The following CCDC18 variants were observed in gnomAD, a reference collection of about 807,000 sequenced individuals.
The protein encoded by CCDC18 is coiled-coil domain containing 18.
Under a neutral mutation model 196.0 loss-of-function variants are expected in CCDC18, and 157 were observed. The observed-to-expected ratio is 0.80, with a 90% CI of 0.70 to 0.91. The LOEUF (loss-of-function observed/expected upper bound fraction) is 0.91. Among genes scored for constraint, CCDC18 ranks in the 40% least tolerant of loss-of-function variants. The pLI is 0.00. For missense variants in CCDC18, 1,465 were observed against 1,611.6 expected, an observed-to-expected ratio of 0.91 and a Z score of 1.56; for synonymous variants, 482 against 529.2, an observed-to-expected ratio of 0.91 and a Z score of 1.22.
chr1:93,201,855 T>C, intron 6 of CCDC18, 37 bp from the exon 7 acceptor site: 1 of 1,305,664 alleles, frequency 7.7e-7, no homozygotes. Flanking sequence ...TGCAGAGCAT[T>C]CTTCACTTTT....
chr1:93,257,252 A>AC (rs1458732752), intron 25 of CCDC18, among the ~76,000 whole-genome samples: 6 of 150,878 alleles, frequency 4.0e-5, no homozygotes, highest in East Asian at 3.9e-4. Context: ...AAAAAAAAAA[A>AC]AAAAAAACAT....
intron 5 of CCDC18, 32 bp from the exon 6 acceptor site, chr1:93,193,584 T>C (rs563548493): frequency 6.8e-7 from 1 of 1,465,214 alleles, no homozygotes; most frequent in East Asian, 2.5e-5. Flanking sequence ...ATCTCTTTAG[T>C]AGTCTTAAAC....
intron 6 of CCDC18, among the ~76,000 whole-genome samples, chr1:93,194,436 C>G (rs1652368358): frequency 6.6e-6 from 1 of 151,958 alleles, no homozygotes; most frequent in African/African-American, 2.4e-5. Flanking sequence ...TGCAATTTTG[C>G]AATTTGCAAT....
upstream of CCDC18, chr1:93,179,958 C>A (rs1312228249): frequency 7.4e-7 from 1 of 1,357,820 alleles, no homozygotes; most frequent in Non-Finnish European, 1.0e-6. Flanking sequence ...CTCTTCACCA[C>A]CAGGGCCGTC....
intron 24 of CCDC18, 42 bp from the exon 25 acceptor site, chr1:93,256,293 T>C: frequency 1.9e-6 from 3 of 1,551,142 alleles, no homozygotes; most frequent in East Asian, 2.2e-5. Flanking sequence ...AGGTTATCTA[T>C]ATATTTCATT....
chr1:93,179,943 C>T, upstream of CCDC18: 1 of 1,242,270 alleles, frequency 8.0e-7, no homozygotes, highest in Non-Finnish European at 1.1e-6. Context: ...CTGAACGGCC[C>T]TCGCCTCTTC....
At chr1:93,228,588 T>C (rs1485237548) in intron 17 of CCDC18, among the ~76,000 whole-genome samples, 1 of 151,998 alleles carries the variant, frequency 6.6e-6, no homozygotes, top group African/African-American at 2.4e-5. Flanking sequence ...TTTTATAGCA[T>C]CTTTGACAGG....
At chr1:93,214,610 C>A (rs1656189144) in intron 11 of CCDC18, 133 bp from the exon 12 acceptor site, 1 of 598,014 alleles carries the variant, frequency 1.7e-6, no homozygotes, top group South Asian at 2.2e-5. Context: ...TAATGAATGT[C>A]TCATTCTCTG....
chr1:93,198,046 C>T (rs536060503), intron 6 of CCDC18, among the ~76,000 whole-genome samples: 115 of 151,874 alleles, frequency 7.6e-4, no homozygotes, highest in African/African-American at 2.5e-3. Context: ...CCACCGCGCC[C>T]GGCCCACTCT....
At chr1:93,234,334 G>GT (rs1334069212) in intron 18 of CCDC18, among the ~76,000 whole-genome samples, 1 of 151,662 alleles carries the variant, frequency 6.6e-6, no homozygotes, top group African/African-American at 2.4e-5. Context: ...GCTAATTTTT[G>GT]TTTTTTTAGT....
intron 22 of CCDC18, 102 bp from the exon 23 acceptor site, chr1:93,246,736 T>C (rs1307267864): frequency 4.8e-6 from 3 of 630,312 alleles, no homozygotes. Context: ...CTAATGAGTT[T>C]ATACTTGTTA....
At chr1:93,189,264 A>G (rs1249698687) in intron 4 of CCDC18, among the ~76,000 whole-genome samples, 2 of 152,192 alleles carry the variant, frequency 1.3e-5, no homozygotes, top group African/African-American at 4.8e-5. Flanking sequence ...ACTTAACATA[A>G]TGATCTTTAG....
intron 18 of CCDC18, 93 bp from the exon 19 acceptor site, chr1:93,236,155 A>G (rs1218056711): frequency 1.9e-6 from 2 of 1,034,146 alleles, no homozygotes; most frequent in Non-Finnish European, 2.8e-6. Context: ...GTTGATTTTT[A>G]TGATACATCT....
At chr1:93,239,937 C>G (rs1458973861) in intron 21 of CCDC18, 41 bp downstream of exon 21, 1 of 1,274,946 alleles carries the variant, frequency 7.8e-7, no homozygotes, top group Non-Finnish European at 1.1e-6. Context: ...GTTATAAGTC[C>G]TTGGATAATA....
chr1:93,221,908 A>G lies in CCDC18; in HGVS notation c.2147A>G (p.Gln716Arg), dbSNP rs1441922167. 1 of 1,596,596 alleles carries G rather than the reference A, an allele frequency of 6.3e-7. No homozygotes were observed. The highest frequency in any genetic ancestry group is 1.4e-5 in the African/African-American group (1 of 73,914). The stretch of plus-strand genomic sequence containing the variant: ...AAAGATGAAGCTTTAAAAGCATTAC[A>G]GAACCAAGTATCTGAAGAAACAATC... ...MKKDEALKAL[Q>R]NQVSEETIKV... Residue 716 changes from glutamine (Q) to arginine (R), a missense_variant, in exon 16 of 29, where the codon CAG becomes CGG. Transcript: ENST00000690025.
chr1:93,252,311 A>G (rs76738516), intron 23 of CCDC18, among the ~76,000 whole-genome samples: 1 of 152,336 alleles, frequency 6.6e-6, no homozygotes, highest in East Asian at 1.9e-4. Flanking sequence ...ATCTGGGATT[A>G]CAGGTGTGAG....
chr1:93,243,616 A>G (rs1452036900), intron 21 of CCDC18, among the ~76,000 whole-genome samples: 1 of 152,160 alleles, frequency 6.6e-6, no homozygotes, highest in Non-Finnish European at 1.5e-5. Flanking sequence ...TTTCTTTTCT[A>G]TCACACTCAA....
At chr1:93,199,108 A>T (rs1208427772) in intron 6 of CCDC18, among the ~76,000 whole-genome samples, 2 of 152,224 alleles carry the variant, frequency 1.3e-5, no homozygotes, top group Non-Finnish European at 2.9e-5. Context: ...TTGCTTCACG[A>T]GCCAGAAACC....
At position 93,196,754 on chromosome 1, in the gene CCDC18, C is replaced by T. The variant is rs192087083; in HGVS notation, c.698+3010C>T. Among the ~76,000 whole-genome samples, 1,083 of 152,284 alleles carry T rather than the reference C, an allele frequency of 7.1e-3. 5 individuals carry two copies. The highest frequency in any genetic ancestry group is 0.041 in the Middle Eastern group (12 of 294). ...CAACAGTTTGAAATTGACATTCTTT[C>T]AAGCAGATGTAATCTGTTACCTCAC... is the stretch of plus-strand genomic sequence containing the variant. On this transcript the variant is annotated intron_variant, in intron 6 of 28. Transcript: ENST00000690025.
Sources: gnomAD v4.1 joint callset for allele counts (sites outside exome capture counted in the v4.1 genomes callset) on GRCh38, gnomAD v4.1.1 for gene constraint, MANE v1.5 for transcripts, NCBI Gene and HGNC (gene_info 2026-07-23, HGNC 2026-07-21) for gene names.